Variants in SPAG16 observed in about 807,000 individuals in gnomAD.
SPAG16 encodes sperm associated antigen 16, also known as sperm-associated antigen 16 protein.
In SPAG16, 86 loss-of-function variants were observed where a neutral mutation model predicts 80.4. The ratio of observed to expected loss-of-function variants is 1.07; its 90% CI spans 0.90 to 1.28. The LOEUF is 1.28. Ranked by LOEUF, SPAG16 falls within the 50% of genes most tolerant of loss-of-function variation. The pLI is 0.00. For synonymous variants in SPAG16, 294 were observed against 265.9 expected (o/e 1.11, Z -1.03); for missense variants, 870 against 765.3 (o/e 1.14, Z -1.61).
At chr2:213,923,273 G>T (rs1249356595) in intron 11 of SPAG16, among the ~76,000 whole-genome samples, 1 of 152,206 alleles carries the variant, frequency 6.6e-6, no homozygotes, top group African/African-American at 2.4e-5. Context: ...TCCCACAGAA[G>T]TGGAACTGCT....
At chr2:214,094,458 A>C (rs2052445104) in intron 13 of SPAG16, among the ~76,000 whole-genome samples, 1 of 152,126 alleles carries the variant, frequency 6.6e-6, no homozygotes, top group Admixed American at 6.6e-5. Flanking sequence ...CTTTAAGTGG[A>C]GCCTCAGAAA....
chr2:214,064,459 C>T (rs1391954988), intron 13 of SPAG16, among the ~76,000 whole-genome samples: 1 of 151,746 alleles, frequency 6.6e-6, no homozygotes, highest in East Asian at 1.9e-4. Context: ...TTTGTAAAAC[C>T]CTGTAGGTAT....
intron 12 of SPAG16, among the ~76,000 whole-genome samples, chr2:213,965,612 C>A: frequency 6.6e-6 from 1 of 152,160 alleles, no homozygotes; most frequent in South Asian, 2.1e-4. Context: ...CTCTGTTAAG[C>A]GTTTCAATTT....
At chr2:213,782,376 G>A (rs1347604093) in intron 10 of SPAG16, among the ~76,000 whole-genome samples, 1 of 152,036 alleles carries the variant, frequency 6.6e-6, no homozygotes, top group Non-Finnish European at 1.5e-5. Context: ...ATATAGTGAG[G>A]TATGGTACCT....
intron 10 of SPAG16, among the ~76,000 whole-genome samples, chr2:213,552,788 C>T (rs2076822302): frequency 1.3e-5 from 2 of 152,146 alleles, no homozygotes; most frequent in Admixed American, 1.3e-4. Context: ...TAATCAGCTG[C>T]TAGCGTGGCT....
intron 14 of SPAG16, among the ~76,000 whole-genome samples, chr2:214,136,486 T>G (rs1346491293): frequency 6.6e-6 from 1 of 152,194 alleles, no homozygotes; most frequent in South Asian, 2.1e-4. Context: ...TGCTGTGTTG[T>G]GTACTTTAGC....
chr2:213,653,937 A>T (rs2063118561), intron 10 of SPAG16, among the ~76,000 whole-genome samples: 1 of 152,168 alleles, frequency 6.6e-6, no homozygotes, highest in Non-Finnish European at 1.5e-5. Context: ...TACTTAAAAA[A>T]TTTTACATTT....
intron 10 of SPAG16, among the ~76,000 whole-genome samples, chr2:213,701,572 C>T (rs968662196): frequency 5.9e-5 from 9 of 152,072 alleles, no homozygotes; most frequent in South Asian, 2.1e-4. Context: ...TGCTCTGTGG[C>T]GCCTGGTCCC....
chr2:214,372,144 C>CG lies in SPAG16; in HGVS notation c.1721-37996_1721-37995insG, dbSNP rs1699863479. On this transcript the variant is annotated intron_variant, in intron 15 of 15. Transcript: ENST00000331683. ...TCAGGTAACAGATTCATACAGCAAT[C>CG]AGATATTAGTGATTCTTTACACAGG... 2.0e-5 allele frequency among the ~76,000 whole-genome samples: 3 copies of CG among 152,230 alleles called. No homozygotes were observed. The Middle Eastern group carries it at 0.01, about 518-fold the overall frequency.
At chr2:213,937,779 A>G (rs1444665456) in intron 12 of SPAG16, among the ~76,000 whole-genome samples, 1 of 152,088 alleles carries the variant, frequency 6.6e-6, no homozygotes, top group Non-Finnish European at 1.5e-5. Context: ...TGAAAAATTG[A>G]GAATCTCTCA....
At chr2:213,948,309 GCATATA>G (rs762080849) in intron 12 of SPAG16, among the ~76,000 whole-genome samples, 2 of 152,042 alleles carry the variant, frequency 1.3e-5, no homozygotes, top group Non-Finnish European at 2.9e-5. Context: ...ATGCATTTCT[GCATATA>G]ATTCAAAATT....
intron 10 of SPAG16, among the ~76,000 whole-genome samples, chr2:213,562,959 A>T (rs1040710212): frequency 1.3e-4 from 20 of 152,214 alleles, no homozygotes; most frequent in Admixed American, 1.3e-3. Flanking sequence ...AACACCGCCT[A>T]AAGGCCTCAC....
At chr2:213,851,831 T>C (rs960249993) in intron 10 of SPAG16, among the ~76,000 whole-genome samples, 1 of 152,188 alleles carries the variant, frequency 6.6e-6, no homozygotes, top group African/African-American at 2.4e-5. Flanking sequence ...GTGAAAAAAC[T>C]GTAAGAATGC....
intron 10 of SPAG16, among the ~76,000 whole-genome samples, chr2:213,510,438 T>A (rs1375881130): frequency 6.6e-6 from 1 of 152,170 alleles, no homozygotes; most frequent in Non-Finnish European, 1.5e-5. Context: ...TACATTAGTA[T>A]AACATGCTGT....
At chr2:213,618,829 C>T (rs894174340) in intron 10 of SPAG16, among the ~76,000 whole-genome samples, 1 of 151,794 alleles carries the variant, frequency 6.6e-6, no homozygotes, top group Non-Finnish European at 1.5e-5. Flanking sequence ...TAGTCATTTC[C>T]TTTTTTTAAT....
chr2:214,132,724 A>G (rs2054840339), intron 14 of SPAG16, among the ~76,000 whole-genome samples: 1 of 152,206 alleles, frequency 6.6e-6, no homozygotes, highest in East Asian at 1.9e-4. Flanking sequence ...ATAGAGTAAC[A>G]TATGGGGAAA....
intron 15 of SPAG16, among the ~76,000 whole-genome samples, chr2:214,354,109 T>G (rs1314732217): frequency 1.4e-5 from 1 of 70,532 alleles, no homozygotes; most frequent in Non-Finnish European, 5.4e-5. Context: ...CCCATAAATA[T>G]ATATACCTAC....
At chr2:214,381,804 C>CTATT (rs1346848997) in intron 15 of SPAG16, among the ~76,000 whole-genome samples, 1 of 152,224 alleles carries the variant, frequency 6.6e-6, no homozygotes, top group African/African-American at 2.4e-5. Flanking sequence ...CAAAAACACT[C>CTATT]TATTAGATGT....
intron 10 of SPAG16, among the ~76,000 whole-genome samples, chr2:213,840,523 C>T (rs1045162966): frequency 1.3e-5 from 2 of 152,092 alleles, no homozygotes; most frequent in East Asian, 3.9e-4. Context: ...TTAGAAAGTT[C>T]GATCACTGCT....
Sources: gnomAD v4.1 joint callset for allele counts (sites outside exome capture counted in the v4.1 genomes callset) on GRCh38, gnomAD v4.1.1 for gene constraint, MANE v1.5 for transcripts, NCBI Gene and HGNC (gene_info 2026-07-23, HGNC 2026-07-21) for gene names.